Variants in FNBP1 observed in about 807,000 individuals in gnomAD.
FNBP1 encodes the protein formin-binding protein 1.
In FNBP1, 26 loss-of-function variants were observed where a neutral mutation model predicts 90.6. The ratio of observed to expected loss-of-function variants is 0.29; its 90% CI spans 0.21 to 0.40. The LOEUF is 0.40. FNBP1 is among the 10% of genes least tolerant of loss of function. The probability of loss-of-function intolerance (pLI) is 1.00; values close to 1 mark genes in which losing one functional copy is unlikely to be tolerated. For synonymous variants in FNBP1, 260 were observed against 265.2 expected (o/e 0.98, Z 0.19); for missense variants, 635 against 768.0 (o/e 0.83, Z 2.05).
At chr9:130,001,805 C>A in intron 1 of FNBP1, among the ~76,000 whole-genome samples, 1 of 151,960 alleles carries the variant, frequency 6.6e-6, no homozygotes, top group East Asian at 1.9e-4. Context: ...AGGCAGATCA[C>A]CTGAGGTCAG....
In FNBP1 at chr9:129,923,877, G is replaced by A. The variant is rs1476731269; in HGVS notation, c.1137C>T (p.Pro379=). 1.3e-5 allele frequency: 21 copies of A among 1,602,994 alleles called. No individual in the cohort carries two copies. The highest frequency in any genetic ancestry group is 1.7e-5 in the Non-Finnish European group (20 of 1,175,574). ...TTAGGCTCCTGAAGCAGTGGATTTT[G>A]GGTTTGGAGGTCATGAACTCGTTGA... The part of the protein sequence containing the change: ...HRFNEFMTSK[P]KIHCFRSLKR... Residue 379 remains proline (P), a synonymous_variant, in exon 10 of 17, where the codon CCC becomes CCT. Transcript: ENST00000446176.
At position 130,043,098 on chromosome 9, in the gene FNBP1, C is replaced by A; in HGVS notation, c.-123G>T. 1 of 889,976 alleles carries A rather than the reference C, an allele frequency of 1.1e-6. No homozygotes were observed. The highest frequency in any genetic ancestry group is 1.7e-5 in the African/African-American group (1 of 57,594). 55.1% of individuals were successfully genotyped at this position (889,976 alleles called of 1,614,324 possible). ...GGAAAGCCCGGAGTCCGCGCGGCCTCCTCCGGCTCGCAGCTCCTCGCCCGG... is the reference window on the plus strand; with the variant it reads ...GGAAAGCCCGGAGTCCGCGCGGCCTACTCCGGCTCGCAGCTCCTCGCCCGG... On this transcript the variant is annotated 5_prime_UTR_variant, in exon 1 of 17. Coordinates refer to ENST00000446176, the MANE Select transcript of FNBP1 (RefSeq NM_015033.3).
chr9:130,047,378 G>A (rs1053605746), upstream of FNBP1, among the ~76,000 whole-genome samples: 1 of 152,146 alleles, frequency 6.6e-6, no homozygotes, highest in Non-Finnish European at 1.5e-5. Flanking sequence ...ACTTTGGGAG[G>A]CCGAGGAGGA....
chr9:129,909,451 G>A (rs1040558998), intron 11 of FNBP1, among the ~76,000 whole-genome samples: 11 of 151,968 alleles, frequency 7.2e-5, no homozygotes, highest in African/African-American at 9.7e-5. Flanking sequence ...CCTAGCGTGA[G>A]TATTCCTGCC....
At chr9:129,970,267 G>A (rs976398706) in intron 4 of FNBP1, among the ~76,000 whole-genome samples, 6 of 151,402 alleles carry the variant, frequency 4.0e-5, no homozygotes, top group African/African-American at 1.5e-4. Flanking sequence ...GTGCAGTGGC[G>A]CGTTCTCGGC....
Position 130,012,330 on chromosome 9 carries a change from T to C in FNBP1, c.25-17372A>G, listed in dbSNP as rs571093865. Among the ~76,000 whole-genome samples the C allele has an allele frequency of 2.6e-5, 4 of 152,298 alleles. No homozygotes were observed. The South Asian group carries it at 8.3e-4, about 32-fold the overall frequency. ...CTAAAAGGATTAGTAAATTACCTCA[T>C]GCTTAGCATATGCCTGGCACATGGT... is the stretch of plus-strand genomic sequence containing the variant. On this transcript the variant is annotated intron_variant, in intron 1 of 16. Transcript: ENST00000446176.
At chr9:129,954,994 C>A (rs201933392) in intron 6 of FNBP1, among the ~76,000 whole-genome samples, 12,031 of 139,368 alleles carry the variant, frequency 0.086, 546 homozygotes, top group Admixed American at 0.14. Context: ...AACTTCGTCC[C>A]AAAAAAAAAA....
In FNBP1 at chr9:129,900,472, T is replaced by C. The variant is rs755571290; in HGVS notation, c.1504A>G (p.Ser502Gly). 1 of 1,606,426 alleles carries C rather than the reference T, an allele frequency of 6.2e-7. No homozygotes were observed. Among genetic ancestry groups the C allele is most frequent in the Admixed American group, 1.7e-5 (1 of 58,660 alleles). Residue 502 changes from serine (S) to glycine (G), a missense_variant, in exon 14 of 17, where the codon AGC becomes GGC. Coordinates refer to ENST00000446176, the MANE Select transcript of FNBP1 (RefSeq NM_015033.3). This position sits in a 1 kb window ranked among gnomAD's most constrained non-coding sequence, Gnocchi z 4.1. ...QARRQSGLYD[S>G]QNPPTVNNCA... ...TTGTTGACTGTGGGTGGGTTCTGGC[T>C]GTCGTACAGTCCGCTCTGCCGGCGC...
intron 6 of FNBP1, among the ~76,000 whole-genome samples, chr9:129,939,268 A>G (rs2043962389): frequency 6.6e-6 from 1 of 152,010 alleles, no homozygotes; most frequent in African/African-American, 2.4e-5. Flanking sequence ...ATGTGCCTGT[A>G]ATCCCAGATA....
At chr9:129,998,105 A>C (rs2054277919) in intron 1 of FNBP1, among the ~76,000 whole-genome samples, 1 of 148,992 alleles carries the variant, frequency 6.7e-6, no homozygotes, top group African/African-American at 2.5e-5. Context: ...CTGAGGCAGG[A>C]GAATCCACTG....
intron 6 of FNBP1, among the ~76,000 whole-genome samples, chr9:129,935,965 A>G (rs1218719611): frequency 6.6e-6 from 1 of 152,124 alleles, no homozygotes; most frequent in African/African-American, 2.4e-5. Flanking sequence ...GATAAACTAT[A>G]TAGGTTGGTG....
chr9:129,895,584 C>T, intron 16 of FNBP1: 1 of 1,240,190 alleles, frequency 8.1e-7, no homozygotes, highest in Non-Finnish European at 1.0e-6. Flanking sequence ...AATGACATAG[C>T]TGTAAGTTGG....
the FNBP1 span, among the ~76,000 whole-genome samples, chr9:130,052,606 G>C: frequency 6.6e-6 from 1 of 151,736 alleles, no homozygotes; most frequent in Non-Finnish European, 1.5e-5. Flanking sequence ...GCTAATTTTT[G>C]TATTTTTAGT....
rs201314627 is a variant in FNBP1 at position 129,984,732 on chromosome 9, T to TG, written c.141-5359dup. 3.2e-3 allele frequency among the ~76,000 whole-genome samples: 477 copies of TG among 150,604 alleles called. 1 individual carries two copies. The highest frequency in any genetic ancestry group is 0.01 in the African/African-American group (423 of 41,054). On this transcript the variant is annotated intron_variant, in intron 2 of 16. Transcript: ENST00000446176. ...GACCCAGGGGGAAGTAATTGAATCATGGGGGGGGCCGGTCTTTCCCGTGCT... is the reference window on the plus strand; with the variant it reads ...GACCCAGGGGGAAGTAATTGAATCATGGGGGGGGGCCGGTCTTTCCCGTGCT...
At position 129,890,645 on chromosome 9, in the gene FNBP1, C is replaced by T. The variant is rs1214734067; in HGVS notation, c.1847-99G>A. ...GCTCTTGGCTACAAACTGCACCGCC[C>T]TGGGAGGGGAGGGTAGTGGGAGGGG... is the stretch of plus-strand genomic sequence containing the variant. On this transcript the variant is annotated intron_variant, in intron 16 of 16. Coordinates refer to ENST00000446176, the MANE Select transcript of FNBP1 (RefSeq NM_015033.3). The surrounding 1 kb of genome is among the most constrained non-coding windows in gnomAD (Gnocchi z 5.8). 1.6e-5 allele frequency: 8 copies of T among 504,232 alleles called. No homozygotes were observed. The highest frequency in any genetic ancestry group is 1.4e-4 in the African/African-American group (7 of 49,052). 31.2% of individuals were successfully genotyped at this position (504,232 alleles called of 1,614,324 possible). A position where few individuals can be genotyped will look rare whatever the true frequency, so the allele number is the denominator to read the frequency against.
At chr9:130,018,684 C>A (rs2057505063) in intron 1 of FNBP1, among the ~76,000 whole-genome samples, 2 of 152,068 alleles carry the variant, frequency 1.3e-5, no homozygotes, top group African/African-American at 2.4e-5. Context: ...CTCAAGTCAC[C>A]CGCCCATCTC....
chr9:129,901,562 G>T (rs117215747), intron 13 of FNBP1, among the ~76,000 whole-genome samples: 1 of 151,950 alleles, frequency 6.6e-6, no homozygotes, highest in East Asian at 1.9e-4. Flanking sequence ...AATAAGAAAA[G>T]GACCGTTCTA....
At chr9:129,922,011 A>G (rs1360947722) in intron 10 of FNBP1, among the ~76,000 whole-genome samples, 3 of 152,140 alleles carry the variant, frequency 2.0e-5, no homozygotes, top group African/African-American at 7.2e-5. Flanking sequence ...ATGTTTGTAC[A>G]AGAAAGCATT....
intron 6 of FNBP1, among the ~76,000 whole-genome samples, chr9:129,949,009 C>G (rs1465877127): frequency 1.3e-5 from 2 of 152,096 alleles, no homozygotes; most frequent in South Asian, 2.1e-4. Context: ...TTTGCAGTTT[C>G]CCTCTCAATA....
Sources: allele counts gnomAD v4.1 joint callset (sites outside exome capture counted in the v4.1 genomes callset), GRCh38; gene constraint gnomAD v4.1.1; non-coding constraint Gnocchi (gnomAD v3.1); transcripts MANE v1.5; gene names NCBI Gene and HGNC (gene_info 2026-07-23, HGNC 2026-07-21).